Variants in SOX5 observed in about 807,000 individuals in gnomAD.
SOX5 encodes SRY-box transcription factor 5.
In SOX5, 9 loss-of-function variants were observed where a neutral mutation model predicts 92.0. The ratio of observed to expected loss-of-function variants is 0.10; its 90% CI spans 0.06 to 0.17. SOX5 has a LOEUF of 0.17. Among genes scored for constraint, SOX5 ranks in the 10% least tolerant of loss-of-function variants. The pLI is 1.00. For synonymous variants in SOX5, 344 were observed against 336.3 expected (o/e 1.02, Z -0.25); for missense variants, 642 against 944.5 (o/e 0.68, Z 4.20).
At chr12:24,424,259 C>T (rs1236133557) in intron 1 of SOX5, among the ~76,000 whole-genome samples, 1 of 152,096 alleles carries the variant, frequency 6.6e-6, no homozygotes, top group Non-Finnish European at 1.5e-5. Context: ...AAAAGTAATA[C>T]CTTCATTTGC....
In SOX5 at chr12:24,304,409, T is replaced by G. The variant is rs374838862; in HGVS notation, c.-173-27097A>C. On this transcript the variant is annotated intron_variant, in intron 2 of 4. Transcript: ENST00000446891. The stretch of plus-strand genomic sequence containing the variant: ...GTACTATGTTAGAAAAAGAGGAAAT[T>G]TTCTGATTAAAGGAGGAATATCTTC... 1.8e-3 allele frequency among the ~76,000 whole-genome samples: 275 copies of G among 152,186 alleles called. 2 individuals are homozygous for G. The highest frequency in any genetic ancestry group is 6.3e-3 in the African/African-American group (262 of 41,520).
chr12:24,524,966 A>G (rs1388789533), intron 1 of SOX5, among the ~76,000 whole-genome samples: 1 of 152,226 alleles, frequency 6.6e-6, no homozygotes, highest in African/African-American at 2.4e-5. Context: ...CCTGTCTCAA[A>G]CAAACACAAA....
rs574153782 is a variant in SOX5 at position 24,078,186 on chromosome 12, G to A, written c.-2+135157C>T. ...TTTAAATCTTAAATAGATATGCTGT[G>A]TTTGATGGTGGATATTTTTAAAAAC... On this transcript the variant is annotated intron_variant, in intron 4 of 4. Coordinates refer to the SOX5 transcript ENST00000446891. Among the ~76,000 whole-genome samples the A allele has an allele frequency of 2.0e-5, 3 of 152,066 alleles. No homozygotes were observed. The South Asian group carries it at 6.2e-4, about 32-fold the overall frequency.
intron 3 of SOX5, among the ~76,000 whole-genome samples, chr12:24,241,168 T>C (rs945030064): frequency 6.6e-6 from 1 of 152,292 alleles, no homozygotes; most frequent in African/African-American, 2.4e-5. Context: ...TCAGTCATAT[T>C]GTCTTGCAAT....
chr12:24,379,624 A>G (rs535005393), intron 1 of SOX5, among the ~76,000 whole-genome samples: 3 of 152,314 alleles, frequency 2.0e-5, no homozygotes, highest in Admixed American at 6.5e-5. Context: ...GCAGCAAGAA[A>G]GAGTGAAGCC....
chr12:24,381,768 A>G (rs555173321), intron 1 of SOX5, among the ~76,000 whole-genome samples: 6 of 152,246 alleles, frequency 3.9e-5, no homozygotes, highest in Non-Finnish European at 7.3e-5. Flanking sequence ...AGTTGGATAA[A>G]TAAATTCAAA....
chr12:24,525,093 C>T (rs563725529), intron 1 of SOX5, among the ~76,000 whole-genome samples: 1 of 152,216 alleles, frequency 6.6e-6, no homozygotes, highest in Non-Finnish European at 1.5e-5. Flanking sequence ...CAAATCAGCA[C>T]TCACATGTTC....
intron 4 of SOX5, among the ~76,000 whole-genome samples, chr12:23,964,955 G>A (rs117036648): frequency 0.012 from 1,871 of 152,320 alleles, 16 homozygotes; most frequent in East Asian, 0.038. Context: ...GCCAGTAGGG[G>A]AGCAGACCTG....
At chr12:24,457,399 G>C (rs113850774) in intron 1 of SOX5, among the ~76,000 whole-genome samples, 2,201 of 152,256 alleles carry the variant, frequency 0.014, 55 homozygotes, top group African/African-American at 0.049. Context: ...TTAAATGTGA[G>C]TTTCCAACAA....
chr12:24,147,409 G>T (rs975598030), intron 4 of SOX5, among the ~76,000 whole-genome samples: 4 of 152,092 alleles, frequency 2.6e-5, no homozygotes, highest in African/African-American at 7.2e-5. Flanking sequence ...AGTGTACTAG[G>T]TATAGGAAGC....
chr12:23,790,989 C>G (rs758697593), intron 3 of SOX5, among the ~76,000 whole-genome samples: 5 of 152,180 alleles, frequency 3.3e-5, no homozygotes, highest in Non-Finnish European at 7.3e-5. Flanking sequence ...TTCTTCCATT[C>G]TTCCAATGTC....
chr12:24,136,465 T>G (rs1355649727), intron 4 of SOX5, among the ~76,000 whole-genome samples: 3 of 152,262 alleles, frequency 2.0e-5, no homozygotes, highest in Admixed American at 2.0e-4. Context: ...TTACTAGCTA[T>G]GTAACTTGGC....
chr12:23,880,233 C>T (rs888978633), intron 2 of SOX5, among the ~76,000 whole-genome samples: 1 of 152,104 alleles, frequency 6.6e-6, no homozygotes, highest in African/African-American at 2.4e-5. Flanking sequence ...ATCCTTCAAC[C>T]CTTAAAGTGA....
chr12:23,802,107 T>A (rs1036927362), intron 3 of SOX5, among the ~76,000 whole-genome samples: 2 of 152,148 alleles, frequency 1.3e-5, no homozygotes, highest in Admixed American at 1.3e-4. Flanking sequence ...GGAGTCCCAC[T>A]CTGTTGCCCA....
chr12:23,935,767 G>A (rs1256001040), intron 1 of SOX5, among the ~76,000 whole-genome samples: 1 of 150,980 alleles, frequency 6.6e-6, no homozygotes, highest in Non-Finnish European at 1.5e-5. Context: ...TATTTATTCA[G>A]CATTTAATAT....
At chr12:23,582,791 T>C (rs1354657457) in intron 9 of SOX5, among the ~76,000 whole-genome samples, 1 of 152,140 alleles carries the variant, frequency 6.6e-6, no homozygotes, top group African/African-American at 2.4e-5. Flanking sequence ...CCTGCTTCTT[T>C]TAAAAGTAGA....
intron 6 of SOX5, among the ~76,000 whole-genome samples, chr12:23,714,540 G>T (rs1315640112): frequency 6.6e-6 from 1 of 152,172 alleles, no homozygotes; most frequent in Non-Finnish European, 1.5e-5. Flanking sequence ...AGAATCGCTT[G>T]AACCCGGGAG....
chr12:24,242,736 G>C (rs1465775548), intron 3 of SOX5, among the ~76,000 whole-genome samples: 1 of 152,052 alleles, frequency 6.6e-6, no homozygotes, highest in Non-Finnish European at 1.5e-5. Context: ...TGGGTGCAGG[G>C]GGAAGCAGAT....
chr12:23,664,320 A>AACAT (rs2083471469), intron 7 of SOX5, among the ~76,000 whole-genome samples: 1 of 112,298 alleles, frequency 8.9e-6, no homozygotes, highest in Non-Finnish European at 1.9e-5. Context: ...ACAATTCATT[A>AACAT]ACATATATAT....
Sources: gnomAD v4.1 joint callset for allele counts (sites outside exome capture counted in the v4.1 genomes callset) on GRCh38, gnomAD v4.1.1 for gene constraint, MANE v1.5 for transcripts, NCBI Gene and HGNC (gene_info 2026-07-23, HGNC 2026-07-21) for gene names.